RSRC1: variants seen among roughly 807,000 people sequenced by gnomAD.
The protein encoded by RSRC1 is arginine and serine rich coiled-coil 1, also known as serine/Arginine-related protein 53.
In RSRC1, 39 loss-of-function variants were observed where a neutral mutation model predicts 49.1. The observed-to-expected ratio is 0.79, with a 90% CI of 0.61 to 1.04. RSRC1 has a LOEUF of 1.04. Among genes scored for constraint, RSRC1 ranks in the 50% least tolerant of loss-of-function variants. The pLI is 0.00. For missense variants in RSRC1, 388 were observed against 402.4 expected (o/e 0.96, Z 0.31); for synonymous variants, 143 against 130.8 (o/e 1.09, Z -0.63).
At chr3:158,332,877 C>T (rs777767906) in intron 5 of RSRC1, among the ~76,000 whole-genome samples, 1 of 151,446 alleles carries the variant, frequency 6.6e-6, no homozygotes, top group African/African-American at 2.4e-5. Flanking sequence ...AATGTCTTTA[C>T]ATTTGAAAAA....
At chr3:158,513,518 C>T in intron 7 of RSRC1, among the ~76,000 whole-genome samples, 1 of 152,090 alleles carries the variant, frequency 6.6e-6, no homozygotes, top group Non-Finnish European at 1.5e-5. Context: ...TTCAGTTTGC[C>T]AGTATTTTAT....
At chr3:158,400,955 A>C (rs542705232) in intron 6 of RSRC1, among the ~76,000 whole-genome samples, 1 of 152,156 alleles carries the variant, frequency 6.6e-6, no homozygotes, top group African/African-American at 2.4e-5. Flanking sequence ...TCCATTTTTT[A>C]ATCATTTATA....
At chr3:158,518,110 G>A (rs1740678478) in intron 7 of RSRC1, among the ~76,000 whole-genome samples, 2 of 77,588 alleles carry the variant, frequency 2.6e-5, no homozygotes, top group East Asian at 5.3e-4. Flanking sequence ...GTGTGTGTGT[G>A]TGTGTGTGTG....
chr3:158,541,587 C>G (rs1713033987), intron 8 of RSRC1, among the ~76,000 whole-genome samples: 1 of 152,064 alleles, frequency 6.6e-6, no homozygotes, highest in African/African-American at 2.4e-5. Context: ...ATTTTATCCT[C>G]TGTATATTTT....
At chr3:158,273,117 A>G (rs947197056) in intron 4 of RSRC1, among the ~76,000 whole-genome samples, 1 of 152,058 alleles carries the variant, frequency 6.6e-6, no homozygotes, top group African/African-American at 2.4e-5. Context: ...TTATGCTTCT[A>G]TTTATATTCA....
intron 6 of RSRC1, among the ~76,000 whole-genome samples, chr3:158,403,890 A>T (rs1465520267): frequency 6.6e-6 from 1 of 151,864 alleles, no homozygotes; most frequent in Non-Finnish European, 1.5e-5. Flanking sequence ...AATACTTAAA[A>T]TGTAACTCAT....
chr3:158,228,987 CACAT>C (rs1468413721), intron 4 of RSRC1, among the ~76,000 whole-genome samples: 3 of 128,640 alleles, frequency 2.3e-5, no homozygotes, highest in East Asian at 2.4e-4. Flanking sequence ...TGTATAAACA[CACAT>C]ACGTGTATAT....
chr3:158,429,786 C>T (rs1454346297), intron 6 of RSRC1, among the ~76,000 whole-genome samples: 2 of 151,122 alleles, frequency 1.3e-5, no homozygotes, highest in Non-Finnish European at 3.0e-5. Context: ...CACAGAAAGA[C>T]GAACACTGCA....
At chr3:158,278,049 C>T (rs550583706) in intron 4 of RSRC1, among the ~76,000 whole-genome samples, 2 of 152,250 alleles carry the variant, frequency 1.3e-5, no homozygotes, top group East Asian at 1.9e-4. Context: ...CAGTATTGAT[C>T]CCTAATGTGA....
intron 5 of RSRC1, among the ~76,000 whole-genome samples, chr3:158,351,434 TA>T (rs1473549183): frequency 6.6e-6 from 1 of 152,250 alleles, no homozygotes; most frequent in Non-Finnish European, 1.5e-5. Context: ...AGTAAAACTA[TA>T]AAATACAGAT....
intron 7 of RSRC1, among the ~76,000 whole-genome samples, chr3:158,485,162 G>T (rs1232490815): frequency 6.6e-6 from 1 of 151,978 alleles, no homozygotes; most frequent in Non-Finnish European, 1.5e-5. Context: ...ACCTAAGAAT[G>T]AAGATTGTAG....
chr3:158,333,731 A>G (rs1446775790), intron 5 of RSRC1, among the ~76,000 whole-genome samples: 1 of 152,242 alleles, frequency 6.6e-6, no homozygotes, highest in African/African-American at 2.4e-5. Context: ...GAATAAAAAC[A>G]CAGAAGGTTT....
chr3:158,178,000 T>G (rs928015913), intron 3 of RSRC1, among the ~76,000 whole-genome samples: 1 of 152,218 alleles, frequency 6.6e-6, no homozygotes, highest in African/African-American at 2.4e-5. Flanking sequence ...GTCAATTCAC[T>G]TTTTCAAATT....
At chr3:158,131,269 G>T (rs1716005199) in intron 3 of RSRC1, among the ~76,000 whole-genome samples, 1 of 151,764 alleles carries the variant, frequency 6.6e-6, no homozygotes, top group African/African-American at 2.4e-5. Flanking sequence ...CTTATTTGCT[G>T]GGAATTTGTT....
chr3:158,188,156 G>A (rs1720032895), intron 3 of RSRC1, among the ~76,000 whole-genome samples: 1 of 151,708 alleles, frequency 6.6e-6, no homozygotes, highest in Non-Finnish European at 1.5e-5. Context: ...TTTGGTGTGA[G>A]GTGTCTCCAC....
intron 7 of RSRC1, among the ~76,000 whole-genome samples, chr3:158,473,722 T>C (rs1738246818): frequency 6.6e-6 from 1 of 152,144 alleles, no homozygotes; most frequent in Admixed American, 6.5e-5. Flanking sequence ...AAACTGAAGA[T>C]AGTAAATTAC....
intron 5 of RSRC1, 73 bp downstream of exon 5, chr3:158,298,148 A>G: frequency 9.1e-7 from 1 of 1,104,908 alleles, no homozygotes; most frequent in East Asian, 2.4e-5. Flanking sequence ...CTTTTGAATG[A>G]GCTTTGAATA....
chr3:158,234,598 T>TG, intron 4 of RSRC1, among the ~76,000 whole-genome samples: 1 of 151,654 alleles, frequency 6.6e-6, no homozygotes, highest in Admixed American at 6.6e-5. Context: ...CTTCCTCATA[T>TG]TTTTTTTAAA....
chr3:158,137,139 G>A (rs1272191051), intron 3 of RSRC1, among the ~76,000 whole-genome samples: 1 of 152,104 alleles, frequency 6.6e-6, no homozygotes, highest in African/African-American at 2.4e-5. Context: ...CTTTTACACT[G>A]ACATGCAAAA....
Sources: allele counts gnomAD v4.1 joint callset (sites outside exome capture counted in the v4.1 genomes callset), GRCh38; gene constraint gnomAD v4.1.1; transcripts MANE v1.5; gene names NCBI Gene and HGNC (gene_info 2026-07-23, HGNC 2026-07-21).